Variants in GRID1 observed in about 807,000 individuals in gnomAD.
GRID1 encodes glutamate ionotropic receptor delta type subunit 1, also known as glutamate receptor ionotropic, delta-1.
A neutral mutation model predicts 98.0 loss-of-function variants in GRID1; 28 were observed. The observed-to-expected ratio is 0.29, with a 90% CI of 0.21 to 0.39. GRID1 has a LOEUF of 0.39. Ranked by LOEUF, GRID1 falls within the 10% of genes least tolerant of loss-of-function variation. The pLI, the probability that GRID1 is intolerant of heterozygous loss-of-function variation, is 1.00. For synonymous variants in GRID1, 553 were observed against 538.5 expected (o/e 1.03, Z -0.37); for missense variants, 1,111 against 1,340.5 (o/e 0.83, Z 2.67).
intron 2 of GRID1, among the ~76,000 whole-genome samples, chr10:86,325,608 T>C (rs1848038126): frequency 6.6e-6 from 1 of 152,294 alleles, no homozygotes; most frequent in East Asian, 1.9e-4. Flanking sequence ...TCCCAATCTA[T>C]CTACTTAGAA....
intron 3 of GRID1, among the ~76,000 whole-genome samples, chr10:86,205,704 G>A (rs1370832699): frequency 1.3e-5 from 2 of 152,138 alleles, no homozygotes; most frequent in Non-Finnish European, 2.9e-5. Flanking sequence ...TCTATCTCAG[G>A]ATTAAGACTA....
intron 8 of GRID1, among the ~76,000 whole-genome samples, 164 bp from the exon 9 acceptor site, chr10:85,729,778 T>C (rs973955005): frequency 2.0e-5 from 3 of 152,106 alleles, no homozygotes; most frequent in Non-Finnish European, 2.9e-5. Flanking sequence ...AGAGAATAGA[T>C]ATATGGTAGA....
At chr10:86,299,961 A>T (rs755321166) in intron 2 of GRID1, among the ~76,000 whole-genome samples, 9 of 152,214 alleles carry the variant, frequency 5.9e-5, no homozygotes, top group Non-Finnish European at 1.2e-4. Context: ...TTCTCCAAAA[A>T]GTCACATCCA....
intron 4 of GRID1, among the ~76,000 whole-genome samples, chr10:85,992,683 C>T (rs1278794964): frequency 2.0e-5 from 3 of 152,126 alleles, no homozygotes; most frequent in Non-Finnish European, 4.4e-5. Context: ...GGCACAGTGG[C>T]TCACGTTTGT....
intron 4 of GRID1, among the ~76,000 whole-genome samples, chr10:86,096,193 G>C (rs1339431941): frequency 6.6e-6 from 1 of 152,074 alleles, no homozygotes; most frequent in Non-Finnish European, 1.5e-5. Context: ...TTGGGGACTT[G>C]GGGGGAAGAG....
chr10:85,812,779 A>C (rs181146752), intron 8 of GRID1, among the ~76,000 whole-genome samples: 1 of 150,920 alleles, frequency 6.6e-6, no homozygotes, highest in Non-Finnish European at 1.5e-5. Flanking sequence ...CTCTTTCACT[A>C]CATATTTGTG....
chr10:85,756,679 C>T (rs2132693061), intron 8 of GRID1, among the ~76,000 whole-genome samples: 1 of 152,270 alleles, frequency 6.6e-6, no homozygotes, highest in African/African-American at 2.4e-5. Context: ...TGGAATTTAC[C>T]ATTTAATATT....
chr10:86,205,973 C>A (rs1846019657), intron 3 of GRID1, among the ~76,000 whole-genome samples: 1 of 151,956 alleles, frequency 6.6e-6, no homozygotes, highest in Admixed American at 6.6e-5. Flanking sequence ...GGCAAGGAGC[C>A]AGGAAGGCCA....
intron 8 of GRID1, among the ~76,000 whole-genome samples, chr10:85,787,625 C>T (rs1336548767): frequency 6.6e-6 from 1 of 152,194 alleles, no homozygotes; most frequent in Non-Finnish European, 1.5e-5. Context: ...AGCTCTGTGA[C>T]ATCCACTGCT....
chr10:85,795,725 C>A (rs1280180804), intron 8 of GRID1, among the ~76,000 whole-genome samples: 1 of 152,208 alleles, frequency 6.6e-6, no homozygotes, highest in Non-Finnish European at 1.5e-5. Context: ...CAGCAAAGCA[C>A]ATTTGGCCAA....
chr10:85,899,500 T>C (rs917152483), intron 5 of GRID1, among the ~76,000 whole-genome samples: 2 of 152,198 alleles, frequency 1.3e-5, no homozygotes, highest in Admixed American at 6.5e-5. Context: ...CCAGGAACCT[T>C]TGCATATCCT....
At chr10:85,948,698 T>G (rs1842081734) in intron 4 of GRID1, among the ~76,000 whole-genome samples, 1 of 152,232 alleles carries the variant, frequency 6.6e-6, no homozygotes, top group Admixed American at 6.5e-5. Context: ...TTGTTTTTGA[T>G]GCAACTTGTA....
intron 4 of GRID1, among the ~76,000 whole-genome samples, chr10:85,976,265 C>G (rs1842471376): frequency 6.6e-6 from 1 of 152,198 alleles, no homozygotes; most frequent in Non-Finnish European, 1.5e-5. Flanking sequence ...AATCTATCTG[C>G]AAGGCTGTGT....
At chr10:85,898,918 A>G (rs1465933176) in intron 5 of GRID1, among the ~76,000 whole-genome samples, 1 of 152,196 alleles carries the variant, frequency 6.6e-6, no homozygotes, top group Admixed American at 6.5e-5. Context: ...AGTATTATGG[A>G]CTGCACCTAA....
chr10:85,656,852 T>C (rs1840900928), intron 12 of GRID1, among the ~76,000 whole-genome samples: 1 of 152,186 alleles, frequency 6.6e-6, no homozygotes, highest in Non-Finnish European at 1.5e-5. Context: ...CTTTAACCCC[T>C]ACAGCTATTC....
intron 12 of GRID1, among the ~76,000 whole-genome samples, chr10:85,721,267 C>T (rs957571852): frequency 6.6e-6 from 1 of 152,252 alleles, no homozygotes; most frequent in Admixed American, 6.5e-5. Context: ...GATACAGACA[C>T]GCTGGAAAGC....
chr10:86,204,353 T>A (rs142003654), intron 3 of GRID1, among the ~76,000 whole-genome samples: 42 of 152,220 alleles, frequency 2.8e-4, no homozygotes, highest in Non-Finnish European at 5.7e-4. Flanking sequence ...ACACAGCCAC[T>A]CTCCCGGACT....
chr10:86,337,574 A>C (rs572242612), intron 2 of GRID1, among the ~76,000 whole-genome samples: 184 of 152,284 alleles, frequency 1.2e-3, no homozygotes, highest in African/African-American at 4.3e-3. Context: ...CCCAGAGGTC[A>C]ATGTCTACAG....
At chr10:85,981,094 G>T (rs184852452) in intron 4 of GRID1, among the ~76,000 whole-genome samples, 6 of 152,306 alleles carry the variant, frequency 3.9e-5, no homozygotes, top group Admixed American at 3.9e-4. Flanking sequence ...CACCTTGGTA[G>T]CTCACAGCCC....
Sources: gnomAD v4.1 joint callset for allele counts (sites outside exome capture counted in the v4.1 genomes callset) on GRCh38, gnomAD v4.1.1 for gene constraint, MANE v1.5 for transcripts, NCBI Gene and HGNC (gene_info 2026-07-23, HGNC 2026-07-21) for gene names.